The following KHDRBS3 variants were observed in gnomAD, a reference collection of about 807,000 sequenced individuals.
KHDRBS3 encodes KH domain-containing, RNA-binding, signal transduction-associated protein 3.
In KHDRBS3, 23 loss-of-function variants were observed where a neutral mutation model predicts 45.6. The ratio of observed to expected loss-of-function variants is 0.50; its 90% confidence interval spans 0.36 to 0.72. The LOEUF is 0.72. Among genes scored for constraint, KHDRBS3 ranks in the 30% least tolerant of loss-of-function variants. The probability of loss-of-function intolerance (pLI) is 0.00; values close to 1 mark genes in which losing one functional copy is unlikely to be tolerated. For synonymous variants in KHDRBS3, 162 were observed against 156.5 expected, an observed-to-expected ratio of 1.04 and a Z score of -0.26; for missense variants, 352 against 424.8, an observed-to-expected ratio of 0.83 and a Z score of 1.51.
rs1563699806 is a variant in KHDRBS3, at chr8:135,469,532, T to TG, written c.88+11578_88+11579insG. ...TTTTTTTTTTGTTTTGGTTTTTTTTTTTTTTTTTTTTTTTTGAGACGAGTC... is the reference window on the plus strand; with the variant it reads ...TTTTTTTTTTGTTTTGGTTTTTTTTTGTTTTTTTTTTTTTTTGAGACGAGTC... On this transcript the variant is annotated intron_variant, in intron 1 of 8. Transcript: ENST00000355849. 1.4e-3 allele frequency among the ~76,000 whole-genome samples: 62 copies of TG among 44,940 alleles called. 1 individual carries two copies. Among genetic ancestry groups the TG allele is most frequent in the African/African-American group, 3.6e-3 (57 of 15,838 alleles). The allele number at this position is 44,940 out of a possible 152,430, so 29.5% of individuals were successfully genotyped here.
intron 7 of KHDRBS3, among the ~76,000 whole-genome samples, chr8:135,608,828 G>A (rs551310072): frequency 6.6e-6 from 1 of 152,296 alleles, no homozygotes; most frequent in South Asian, 2.1e-4. Context: ...TGAACAGCAT[G>A]TTACTATACT....
chr8:135,478,194 T>A (rs1187092470), intron 1 of KHDRBS3, among the ~76,000 whole-genome samples: 1 of 152,150 alleles, frequency 6.6e-6, no homozygotes, highest in Non-Finnish European at 1.5e-5. Flanking sequence ...AGGAAAAGGA[T>A]CGGAGCCTCT....
At chr8:135,637,483 A>G (rs1370865421) in intron 7 of KHDRBS3, among the ~76,000 whole-genome samples, 1 of 152,180 alleles carries the variant, frequency 6.6e-6, no homozygotes, top group Non-Finnish European at 1.5e-5. Flanking sequence ...TATCATGACG[A>G]TTACAGATAA....
chr8:135,627,487 T>A (rs1830423652), intron 7 of KHDRBS3, among the ~76,000 whole-genome samples: 1 of 152,204 alleles, frequency 6.6e-6, no homozygotes, highest in Admixed American at 6.5e-5. Flanking sequence ...CCCAGCCTTA[T>A]AAGGGATCTG....
chr8:135,512,960 C>A (rs1236405581), intron 1 of KHDRBS3, among the ~76,000 whole-genome samples: 1 of 152,132 alleles, frequency 6.6e-6, no homozygotes, highest in African/African-American at 2.4e-5. Context: ...CACCTGTAAT[C>A]CCAGCACTTT....
At chr8:135,592,034 A>T (rs1586770315) in intron 6 of KHDRBS3, among the ~76,000 whole-genome samples, 1 of 152,210 alleles carries the variant, frequency 6.6e-6, no homozygotes, top group Non-Finnish European at 1.5e-5. Flanking sequence ...TTTTTATTTT[A>T]GATAAAAAGA....
At chr8:135,570,120 G>C (rs1827632197) in intron 5 of KHDRBS3, among the ~76,000 whole-genome samples, 1 of 151,698 alleles carries the variant, frequency 6.6e-6, no homozygotes, top group Non-Finnish European at 1.5e-5. Flanking sequence ...ACTTATTTTG[G>C]CAAAACTTTC....
At chr8:135,626,803 CAAAAAAA>C (rs57231709) in intron 7 of KHDRBS3, among the ~76,000 whole-genome samples, 2 of 91,124 alleles carry the variant, frequency 2.2e-5, no homozygotes, top group African/African-American at 9.6e-5. Flanking sequence ...GACTCCGTCT[CAAAAAAA>C]AAAAAAAAAA....
chr8:135,580,323 G>A (rs113839374), intron 5 of KHDRBS3, among the ~76,000 whole-genome samples: 88 of 152,226 alleles, frequency 5.8e-4, no homozygotes, highest in African/African-American at 1.9e-3. Context: ...TAGAGAACTG[G>A]TATCATTTCA....
intron 1 of KHDRBS3, among the ~76,000 whole-genome samples, chr8:135,486,723 A>C (rs1391117231): frequency 6.6e-6 from 1 of 152,236 alleles, no homozygotes; most frequent in African/African-American, 2.4e-5. Context: ...AGATGTTTTC[A>C]GCATATTAAC....
intron 1 of KHDRBS3, among the ~76,000 whole-genome samples, chr8:135,470,307 G>GT (rs144074964): frequency 0.073 from 11,039 of 151,224 alleles, 541 homozygotes; most frequent in East Asian, 0.18. Flanking sequence ...AGTTTTACTG[G>GT]TTTTTTTTTG....
At chr8:135,624,596 A>G (rs1482349600) in intron 7 of KHDRBS3, among the ~76,000 whole-genome samples, 1 of 152,172 alleles carries the variant, frequency 6.6e-6, no homozygotes, top group Non-Finnish European at 1.5e-5. Flanking sequence ...ATGACACCAA[A>G]TGGCTTCATA....
intron 7 of KHDRBS3, among the ~76,000 whole-genome samples, chr8:135,643,592 T>A (rs2131192912): frequency 6.6e-6 from 1 of 152,314 alleles, no homozygotes; most frequent in South Asian, 2.1e-4. Context: ...GGAACATAGC[T>A]CCATTGCTTA....
chr8:135,638,896 G>A (rs1292251253), intron 7 of KHDRBS3, among the ~76,000 whole-genome samples: 1 of 151,888 alleles, frequency 6.6e-6, no homozygotes, highest in Non-Finnish European at 1.5e-5. Flanking sequence ...GGGAGGCGGA[G>A]GTTGCAGTGA....
chr8:135,597,569 T>C (rs1048760761), intron 6 of KHDRBS3, among the ~76,000 whole-genome samples: 1 of 152,068 alleles, frequency 6.6e-6, no homozygotes, highest in Non-Finnish European at 1.5e-5. Flanking sequence ...CCCAACACTC[T>C]CATTATCTTA....
At chr8:135,506,726 G>A (rs1483460392) in intron 1 of KHDRBS3, among the ~76,000 whole-genome samples, 1 of 122,432 alleles carries the variant, frequency 8.2e-6, no homozygotes, top group East Asian at 2.9e-4. Flanking sequence ...TTTAAAGACA[G>A]TTAGTTCCAT....
At chr8:135,597,227 A>G (rs1829009116) in intron 6 of KHDRBS3, among the ~76,000 whole-genome samples, 1 of 152,140 alleles carries the variant, frequency 6.6e-6, no homozygotes. Flanking sequence ...CAGGGACTGG[A>G]GGGCCAGGCA....
At chr8:135,594,817 A>G (rs1349865387) in intron 6 of KHDRBS3, among the ~76,000 whole-genome samples, 4 of 152,176 alleles carry the variant, frequency 2.6e-5, no homozygotes, top group African/African-American at 9.6e-5. Context: ...GCCACTTTGG[A>G]AAAATGTCTG....
intron 5 of KHDRBS3, among the ~76,000 whole-genome samples, chr8:135,575,754 CTA>C (rs917558461): frequency 2.6e-5 from 4 of 152,030 alleles, no homozygotes; most frequent in African/African-American, 7.2e-5. Flanking sequence ...TGGTTTTTCT[CTA>C]TTATTAACAT....
Sources: allele counts gnomAD v4.1 joint callset (sites outside exome capture counted in the v4.1 genomes callset), GRCh38; gene constraint gnomAD v4.1.1; transcripts MANE v1.5; gene names NCBI Gene and HGNC (gene_info 2026-07-23, HGNC 2026-07-21).